The following CSGALNACT1 variants were observed in gnomAD, a reference collection of about 807,000 sequenced individuals.
CSGALNACT1 encodes beta4GalNAcT-1.
Under a neutral mutation model 51.0 loss-of-function variants are expected in CSGALNACT1, and 52 were observed. That is an observed-to-expected ratio of 1.02 (90% CI 0.82 to 1.29). The LOEUF (loss-of-function observed/expected upper bound fraction) is 1.29. Ranked by LOEUF, CSGALNACT1 falls within the 50% of genes most tolerant of loss-of-function variation. The probability of loss-of-function intolerance (pLI) is 0.00; values close to 1 mark genes in which losing one functional copy is unlikely to be tolerated. For missense variants in CSGALNACT1, 935 were observed against 679.2 expected, an observed-to-expected ratio of 1.38 and a Z score of -4.19; for synonymous variants, 341 against 254.4, an observed-to-expected ratio of 1.34 and a Z score of -3.24.
intron 6 of CSGALNACT1, among the ~76,000 whole-genome samples, chr8:19,426,171 G>T (rs1385491495): frequency 6.6e-6 from 1 of 152,202 alleles, no homozygotes; most frequent in South Asian, 2.1e-4. Flanking sequence ...TGAACAAATG[G>T]AAAACACAGG....
chr8:19,649,841 A>AAAAAAAAAAAAAAC (rs1564347596), intron 1 of CSGALNACT1, among the ~76,000 whole-genome samples: 1 of 149,030 alleles, frequency 6.7e-6, no homozygotes, highest in Non-Finnish European at 1.5e-5. Flanking sequence ...AAAAAAAAAA[A>AAAAAAAAAAAAAAC]AAAACCACGG....
chr8:19,611,022 A>G (rs1364754695), intron 1 of CSGALNACT1, among the ~76,000 whole-genome samples: 2 of 152,192 alleles, frequency 1.3e-5, no homozygotes, highest in South Asian at 2.1e-4. Context: ...GGGGCACTGA[A>G]GCAGCGAGCC....
chr8:19,687,358 C>G (rs1443930335), upstream of CSGALNACT1, among the ~76,000 whole-genome samples: 1 of 152,178 alleles, frequency 6.6e-6, no homozygotes, highest in Non-Finnish European at 1.5e-5. Context: ...TCTGACCCAT[C>G]AGAAGTTTTG....
intron 1 of CSGALNACT1, among the ~76,000 whole-genome samples, chr8:19,643,348 G>A (rs1003989659): frequency 5.9e-5 from 9 of 152,072 alleles, no homozygotes; most frequent in Non-Finnish European, 1.5e-5. Flanking sequence ...AAAAAGTAGG[G>A]AGCTTTCACC....
intron 3 of CSGALNACT1, among the ~76,000 whole-genome samples, chr8:19,575,913 TTAA>T (rs2044100973): frequency 6.6e-6 from 1 of 152,046 alleles, no homozygotes; most frequent in African/African-American, 2.4e-5. Context: ...TTGAGATATT[TTAA>T]TAATAAAAAG....
At chr8:19,457,615 A>G in intron 5 of CSGALNACT1, 2 of 1,246,692 alleles carry the variant, frequency 1.6e-6, no homozygotes, top group Non-Finnish European at 2.1e-6. Flanking sequence ...TCCATCTCAA[A>G]AAAAAAGAAA....
At chr8:19,664,311 C>A (rs1035213727) in intron 1 of CSGALNACT1, among the ~76,000 whole-genome samples, 3 of 152,076 alleles carry the variant, frequency 2.0e-5, no homozygotes, top group African/African-American at 7.2e-5. Flanking sequence ...GTCAGAATGG[C>A]TACTATTAAA....
At position 19,505,182 on chromosome 8, in the gene CSGALNACT1, C is replaced by CA. The variant is rs752764549; in HGVS notation, c.634+18dup. ...AATTCCTTTTCTTCTCCTTTCCCCC[C>CA]AATTCACAAAATGCTAACCTTCTAT... On this transcript the variant is annotated intron_variant, in intron 4 of 9. Transcript: ENST00000454498. 9 of 1,613,942 alleles carry CA rather than the reference C, an allele frequency of 5.6e-6. No homozygotes were observed. The highest frequency in any genetic ancestry group is 7.6e-6 in the Non-Finnish European group (9 of 1,179,952).
chr8:19,475,273 G>A (rs894414165), intron 4 of CSGALNACT1, among the ~76,000 whole-genome samples: 2 of 152,186 alleles, frequency 1.3e-5, no homozygotes, highest in African/African-American at 2.4e-5. Context: ...AGAGAATGCA[G>A]TAAGACCTGA....
At chr8:19,432,369 T>C (rs145170984) in intron 6 of CSGALNACT1, among the ~76,000 whole-genome samples, 377 of 152,346 alleles carry the variant, frequency 2.5e-3, no homozygotes, top group Non-Finnish European at 2.6e-3. Flanking sequence ...TCTCTTTCTC[T>C]GTCTTTGGAT....
At chr8:19,456,806 T>G (rs571816674) in intron 5 of CSGALNACT1, among the ~76,000 whole-genome samples, 50 of 152,246 alleles carry the variant, frequency 3.3e-4, no homozygotes, top group African/African-American at 1.2e-3. Flanking sequence ...TAAAAGAAAT[T>G]TACGAACTAG....
chr8:19,636,935 G>T (rs1444904333), intron 1 of CSGALNACT1, among the ~76,000 whole-genome samples: 1 of 151,974 alleles, frequency 6.6e-6, no homozygotes, highest in South Asian at 2.1e-4. Context: ...GCTCAAGCTT[G>T]TAATCGCACT....
At chr8:19,542,067 T>C (rs111290526) in intron 3 of CSGALNACT1, among the ~76,000 whole-genome samples, 29 of 152,248 alleles carry the variant, frequency 1.9e-4, no homozygotes, top group African/African-American at 5.5e-4. Flanking sequence ...ACCAAGGAGA[T>C]TGTCTAGTTC....
At chr8:19,670,659 A>C (rs1217761305) in intron 1 of CSGALNACT1, among the ~76,000 whole-genome samples, 53 of 148,218 alleles carry the variant, frequency 3.6e-4, no homozygotes, top group African/African-American at 9.7e-4. Context: ...ACAAAAAAAA[A>C]AAAAAAAAAA....
intron 4 of CSGALNACT1, among the ~76,000 whole-genome samples, chr8:19,502,888 C>A (rs756348080): frequency 6.6e-6 from 1 of 152,194 alleles, no homozygotes; most frequent in Non-Finnish European, 1.5e-5. Flanking sequence ...CTAGGATCAT[C>A]ATTTATAACC....
At chr8:19,677,242 G>A (rs572742918) in intron 1 of CSGALNACT1, among the ~76,000 whole-genome samples, 2 of 152,164 alleles carry the variant, frequency 1.3e-5, no homozygotes, top group East Asian at 3.9e-4. Flanking sequence ...CTGAGTAGCT[G>A]GGACCACAGG....
chr8:19,517,740 TTATTCAC>T (rs1264536465), intron 3 of CSGALNACT1, among the ~76,000 whole-genome samples: 1 of 152,142 alleles, frequency 6.6e-6, no homozygotes, highest in African/African-American at 2.4e-5. Flanking sequence ...CTCCTGAGAC[TTATTCAC>T]TATCAGGAGA....
chr8:19,597,098 G>T (rs1017488566), intron 2 of CSGALNACT1, among the ~76,000 whole-genome samples: 1 of 152,154 alleles, frequency 6.6e-6, no homozygotes, highest in South Asian at 2.1e-4. Flanking sequence ...CACAGTATTT[G>T]TCATACTGCG....
At chr8:19,658,685 G>A (rs747107809) in intron 1 of CSGALNACT1, among the ~76,000 whole-genome samples, 7 of 152,120 alleles carry the variant, frequency 4.6e-5, no homozygotes, top group African/African-American at 1.4e-4. Context: ...AGTGAGCTGA[G>A]ATCGCGACAC....
Sources: allele counts gnomAD v4.1 joint callset (sites outside exome capture counted in the v4.1 genomes callset), GRCh38; gene constraint gnomAD v4.1.1; transcripts MANE v1.5; gene names NCBI Gene and HGNC (gene_info 2026-07-23, HGNC 2026-07-21).